CNTNAP2: variants seen among roughly 807,000 people sequenced by gnomAD.
CNTNAP2 encodes contactin associated protein 2.
A neutral mutation model predicts 155.2 loss-of-function variants in CNTNAP2; 98 were observed. That is an observed-to-expected ratio of 0.63 (90% CI 0.54 to 0.75). The LOEUF is 0.75. Among genes scored for constraint, CNTNAP2 ranks in the 30% least tolerant of loss-of-function variants. CNTNAP2 has a pLI of 0.00. For synonymous variants in CNTNAP2, 651 were observed against 631.2 expected (o/e 1.03, Z -0.47); for missense variants, 1,727 against 1,688.1 (o/e 1.02, Z -0.40).
intron 18 of CNTNAP2, among the ~76,000 whole-genome samples, chr7:148,204,738 C>A (rs1036705205): frequency 6.6e-6 from 1 of 152,292 alleles, no homozygotes; most frequent in African/African-American, 2.4e-5. Flanking sequence ...AAGCAAATCG[C>A]TTTGTGGGTT....
intron 21 of CNTNAP2, among the ~76,000 whole-genome samples, chr7:148,302,842 T>C (rs1362509683): frequency 7.1e-6 from 1 of 141,192 alleles, no homozygotes; most frequent in Admixed American, 7.3e-5. Context: ...TTTTTGAGAT[T>C]GAGTCTCTCT....
chr7:146,935,736 G>A (rs953847241), intron 3 of CNTNAP2, among the ~76,000 whole-genome samples: 13 of 152,204 alleles, frequency 8.5e-5, no homozygotes, highest in African/African-American at 3.1e-4. Flanking sequence ...TGGCACTTAT[G>A]TCTTGTGGAG....
chr7:146,947,294 T>C (rs1797196855), intron 3 of CNTNAP2, among the ~76,000 whole-genome samples: 1 of 151,076 alleles, frequency 6.6e-6, no homozygotes, highest in Non-Finnish European at 1.5e-5. Context: ...CTCCAGCTTC[T>C]CAAATTGTCA....
intron 15 of CNTNAP2, among the ~76,000 whole-genome samples, chr7:148,055,295 A>T (rs1033033860): frequency 6.6e-6 from 1 of 152,194 alleles, no homozygotes; most frequent in Non-Finnish European, 1.5e-5. Flanking sequence ...CCTGATGGTA[A>T]CTGATCACTA....
chr7:147,166,638 G>A (rs1040696189), intron 8 of CNTNAP2, among the ~76,000 whole-genome samples: 1 of 152,140 alleles, frequency 6.6e-6, no homozygotes, highest in Non-Finnish European at 1.5e-5. Context: ...GGTGCAGGCG[G>A]GCTGAGTCTG....
chr7:148,326,632 C>T (rs1797892740), intron 21 of CNTNAP2, among the ~76,000 whole-genome samples: 2 of 151,808 alleles, frequency 1.3e-5, no homozygotes, highest in African/African-American at 4.8e-5. Context: ...TTTCGGAGGC[C>T]AAGGCGGGCG....
chr7:148,292,153 T>A (rs938934443), intron 21 of CNTNAP2, among the ~76,000 whole-genome samples: 1 of 152,232 alleles, frequency 6.6e-6, no homozygotes, highest in Non-Finnish European at 1.5e-5. Flanking sequence ...AGACAGGTTT[T>A]CACAAAGGAA....
chr7:146,327,032 C>T (rs559062026), intron 1 of CNTNAP2, among the ~76,000 whole-genome samples: 2 of 152,186 alleles, frequency 1.3e-5, no homozygotes, highest in South Asian at 2.1e-4. Context: ...CATGGTGCCA[C>T]TTATTTTATA....
intron 1 of CNTNAP2, among the ~76,000 whole-genome samples, chr7:146,716,509 G>A (rs1299611694): frequency 6.6e-6 from 1 of 152,198 alleles, no homozygotes; most frequent in African/African-American, 2.4e-5. Flanking sequence ...AAACACCTTT[G>A]TTTCTGATGC....
intron 10 of CNTNAP2, among the ~76,000 whole-genome samples, chr7:147,396,327 C>T (rs1307456343): frequency 6.6e-6 from 1 of 151,682 alleles, no homozygotes; most frequent in Non-Finnish European, 1.5e-5. Flanking sequence ...TTTTAGTTTA[C>T]AGCAGAAATG....
chr7:147,138,971 G>T (rs1344339214), intron 8 of CNTNAP2, among the ~76,000 whole-genome samples: 1 of 150,524 alleles, frequency 6.6e-6, no homozygotes, highest in Admixed American at 6.6e-5. Context: ...ATAAATCGAA[G>T]AGAAAAAAAA....
intron 9 of CNTNAP2, among the ~76,000 whole-genome samples, chr7:147,379,028 T>C (rs1796489204): frequency 1.3e-5 from 2 of 152,112 alleles, no homozygotes; most frequent in East Asian, 1.9e-4. Context: ...CGACATCTGA[T>C]GGTTATAAGG....
rs1795845705 is a variant in CNTNAP2 at position 146,894,945 on chromosome 7, A to C, written c.402+55041A>C. Among the ~76,000 whole-genome samples, 6 of 152,272 alleles carry C rather than the reference A, an allele frequency of 3.9e-5. No individual in the cohort carries two copies. In the South Asian group the frequency reaches 1.2e-3, roughly 32 times the overall value. On this transcript the variant is annotated intron_variant, in intron 3 of 23. Transcript: ENST00000361727. Reference sequence around the variant, plus strand: ...GCCTCAATGCTGGCCTTCATAAGCAAGTACTCTTTGCTTAGGTTACTACAT... The same window carrying C: ...GCCTCAATGCTGGCCTTCATAAGCACGTACTCTTTGCTTAGGTTACTACAT...
intron 19 of CNTNAP2, among the ~76,000 whole-genome samples, chr7:148,221,508 G>A (rs1040391110): frequency 1.3e-5 from 2 of 152,112 alleles, no homozygotes; most frequent in African/African-American, 4.8e-5. Context: ...ACTGTTACAA[G>A]ACTATCCTCA....
intron 3 of CNTNAP2, among the ~76,000 whole-genome samples, chr7:146,957,697 G>A (rs781585093): frequency 2.0e-5 from 3 of 152,058 alleles, no homozygotes; most frequent in Non-Finnish European, 4.4e-5. Flanking sequence ...ATTGGAGCCC[G>A]TTCTCCATGT....
chr7:146,694,671 A>C (rs917897078), intron 1 of CNTNAP2, among the ~76,000 whole-genome samples: 1 of 152,154 alleles, frequency 6.6e-6, no homozygotes, highest in African/African-American at 2.4e-5. Context: ...CATTCAGTCT[A>C]TAGATTAATT....
chr7:148,008,796 A>C (rs1802022234), intron 15 of CNTNAP2, among the ~76,000 whole-genome samples: 1 of 152,166 alleles, frequency 6.6e-6, no homozygotes, highest in Non-Finnish European at 1.5e-5. Flanking sequence ...TTCATTTCAC[A>C]TTTCACTTTC....
At chr7:146,998,260 A>G (rs563953420) in intron 3 of CNTNAP2, among the ~76,000 whole-genome samples, 101 of 152,028 alleles carry the variant, frequency 6.6e-4, no homozygotes, top group African/African-American at 2.3e-3. Flanking sequence ...AATATTTTAA[A>G]TTTCATTTTT....
chr7:146,823,163 A>G (rs1019338387), intron 2 of CNTNAP2, among the ~76,000 whole-genome samples: 11 of 146,032 alleles, frequency 7.5e-5, no homozygotes, highest in African/African-American at 2.8e-4. Flanking sequence ...AAATATACTC[A>G]TTCTTCAGCA....
Sources: gnomAD v4.1 joint callset for allele counts (sites outside exome capture counted in the v4.1 genomes callset) on GRCh38, gnomAD v4.1.1 for gene constraint, MANE v1.5 for transcripts, NCBI Gene and HGNC (gene_info 2026-07-23, HGNC 2026-07-21) for gene names.